Variants in RBFOX1 observed in about 807,000 individuals in gnomAD.
RBFOX1 encodes RNA binding protein fox-1 homolog 1.
RBFOX1 carries 8 observed loss-of-function variants against 57.7 expected under a neutral mutation model. That is an observed-to-expected ratio of 0.14 (90% CI 0.08 to 0.25). The LOEUF is 0.25. Among genes scored for constraint, RBFOX1 ranks in the 10% least tolerant of loss-of-function variants. The probability of loss-of-function intolerance (pLI) is 1.00; values close to 1 mark genes in which losing one functional copy is unlikely to be tolerated. For synonymous variants in RBFOX1, 326 were observed against 222.4 expected (o/e 1.47, Z -4.15); for missense variants, 611 against 548.5 (o/e 1.11, Z -1.14).
intron 4 of RBFOX1, among the ~76,000 whole-genome samples, chr16:7,420,594 C>G (rs1431486746): frequency 1.3e-5 from 2 of 150,904 alleles, no homozygotes; most frequent in African/African-American, 4.9e-5. Flanking sequence ...CTTTTTTTTT[C>G]TTTCCCTTTC....
chr16:7,226,249 C>T (rs954494742), intron 4 of RBFOX1, among the ~76,000 whole-genome samples: 1 of 152,308 alleles, frequency 6.6e-6, no homozygotes, highest in African/African-American at 2.4e-5. Context: ...TCTGATCAGG[C>T]AGGTTGGCTT....
chr16:6,632,553 T>C (rs534954131), intron 2 of RBFOX1, among the ~76,000 whole-genome samples: 33 of 152,210 alleles, frequency 2.2e-4, no homozygotes, highest in Non-Finnish European at 4.0e-4. Flanking sequence ...TCCTGTCTTT[T>C]ACCAATGTTG....
chr16:6,739,705 C>T (rs201600160), intron 3 of RBFOX1, among the ~76,000 whole-genome samples: 3 of 152,020 alleles, frequency 2.0e-5, no homozygotes, highest in Non-Finnish European at 1.5e-5. Context: ...GGTGAAACCC[C>T]ATCTCTACTA....
intron 1 of RBFOX1, among the ~76,000 whole-genome samples, chr16:5,307,938 A>G (rs2063981184): frequency 6.6e-6 from 1 of 152,194 alleles, no homozygotes; most frequent in African/African-American, 2.4e-5. Context: ...TTGGCCTCCC[A>G]GAGTGCTGAA....
At position 7,458,027 on chromosome 16, in the gene RBFOX1, C is replaced by T. The variant is rs149429866; in HGVS notation, c.28-60120C>T. ...TGCCTGCTTGGTTGGTATATTCAGC[C>T]TTGCTCAGCTTGGACATCTCCTCTT... On this transcript the variant is annotated intron_variant, in intron 4 of 15. Coordinates refer to ENST00000550418, the MANE Select transcript of RBFOX1 (RefSeq NM_018723.4). Among the ~76,000 whole-genome samples, 460 of 152,242 alleles carry T rather than the reference C, an allele frequency of 3.0e-3. 1 individual carries two copies. The highest frequency in any genetic ancestry group is 9.8e-3 in the African/African-American group (406 of 41,554).
chr16:6,955,021 G>A (rs980697590), intron 3 of RBFOX1, among the ~76,000 whole-genome samples: 17 of 151,348 alleles, frequency 1.1e-4, no homozygotes, highest in Non-Finnish European at 1.9e-4. Context: ...GCTTGAGCCC[G>A]GGAGTTCAAG....
At chr16:7,055,790 C>T (rs2051991687) in intron 4 of RBFOX1, among the ~76,000 whole-genome samples, 1 of 152,116 alleles carries the variant, frequency 6.6e-6, no homozygotes, top group South Asian at 2.1e-4. Flanking sequence ...AGTGTTGTTA[C>T]CCAATGGAGT....
At chr16:5,602,956 T>A (rs185882244), downstream of RBFOX1, among the ~76,000 whole-genome samples, 163 of 152,342 alleles carry the variant, frequency 1.1e-3, no homozygotes, top group African/African-American at 3.8e-3. Context: ...GGAAATGCTG[T>A]GTCGTTCCTC....
chr16:6,687,201 C>A (rs1050308426), intron 3 of RBFOX1, among the ~76,000 whole-genome samples: 3 of 151,918 alleles, frequency 2.0e-5, no homozygotes. Flanking sequence ...TAGTAAATAC[C>A]GTATGTTCTG....
intron 3 of RBFOX1, among the ~76,000 whole-genome samples, chr16:7,039,627 G>A (rs796481447): frequency 5.3e-5 from 8 of 152,232 alleles, no homozygotes; most frequent in Non-Finnish European, 1.0e-4. Context: ...CGCCATGACC[G>A]GTGGTGGGAT....
At chr16:5,271,949 A>G (rs2063020866) in intron 1 of RBFOX1, among the ~76,000 whole-genome samples, 1 of 152,192 alleles carries the variant, frequency 6.6e-6, no homozygotes, top group African/African-American at 2.4e-5. Flanking sequence ...TTAAGGGTTA[A>G]TAGTATTCCG....
chr16:6,838,195 C>A (rs533398925), intron 3 of RBFOX1, among the ~76,000 whole-genome samples: 10 of 152,026 alleles, frequency 6.6e-5, no homozygotes, highest in Non-Finnish European at 1.0e-4. Flanking sequence ...TAGCCCCCGA[C>A]AGGCCCCAGT....
chr16:6,807,691 C>T (rs185277631), intron 3 of RBFOX1, among the ~76,000 whole-genome samples: 24 of 152,118 alleles, frequency 1.6e-4, no homozygotes, highest in African/African-American at 5.3e-4. Flanking sequence ...TGGCAGACGC[C>T]TGTAATCGGA....
At chr16:5,952,127 A>G (rs1267424302) in intron 4 of RBFOX1, among the ~76,000 whole-genome samples, 1 of 150,290 alleles carries the variant, frequency 6.7e-6, no homozygotes, top group Non-Finnish European at 1.5e-5. Flanking sequence ...ACACACACAC[A>G]TATATATATA....
chr16:5,288,786 C>G (rs913518507), intron 1 of RBFOX1, among the ~76,000 whole-genome samples: 1 of 152,002 alleles, frequency 6.6e-6, no homozygotes, highest in Admixed American at 6.6e-5. Flanking sequence ...TAAGAAAACC[C>G]AGCATCACAG....
intron 3 of RBFOX1, among the ~76,000 whole-genome samples, chr16:5,852,642 G>A (rs1213191341): frequency 1.3e-5 from 2 of 152,130 alleles, no homozygotes; most frequent in Non-Finnish European, 2.9e-5. Context: ...TAGGGGTGGA[G>A]GGGGGTGATT....
At chr16:6,814,735 C>T (rs757431136) in intron 3 of RBFOX1, among the ~76,000 whole-genome samples, 8 of 152,070 alleles carry the variant, frequency 5.3e-5, no homozygotes, top group African/African-American at 1.9e-4. Flanking sequence ...AAAAGTCCTT[C>T]AGTCTGGAAC....
intron 3 of RBFOX1, among the ~76,000 whole-genome samples, chr16:6,930,463 G>A (rs533458985): frequency 1.3e-5 from 2 of 152,218 alleles, no homozygotes; most frequent in African/African-American, 4.8e-5. Context: ...AGGCTGGAGC[G>A]CAGTGGTGTG....
chr16:7,092,705 CAGTTA>C (rs1260726961), intron 4 of RBFOX1, among the ~76,000 whole-genome samples: 2 of 152,060 alleles, frequency 1.3e-5, no homozygotes, highest in East Asian at 3.8e-4. Context: ...GGGGGACGCA[CAGTTA>C]AGTTAAAAGT....
Sources: gnomAD v4.1 joint callset for allele counts (sites outside exome capture counted in the v4.1 genomes callset) on GRCh38, gnomAD v4.1.1 for gene constraint, MANE v1.5 for transcripts, NCBI Gene and HGNC (gene_info 2026-07-23, HGNC 2026-07-21) for gene names.